Variants in RBFOX1 observed in about 807,000 individuals in gnomAD.
RBFOX1 encodes the protein RNA binding fox-1 homolog 1.
Under a neutral mutation model 57.7 loss-of-function variants are expected in RBFOX1, and 8 were observed. The ratio of observed to expected loss-of-function variants is 0.14; its 90% CI spans 0.08 to 0.25. The LOEUF (loss-of-function observed/expected upper bound fraction) is 0.25. Ranked by LOEUF, RBFOX1 falls within the 10% of genes least tolerant of loss-of-function variation. The pLI, the probability that RBFOX1 is intolerant of heterozygous loss-of-function variation, is 1.00. For missense variants in RBFOX1, 611 were observed against 548.5 expected, an observed-to-expected ratio of 1.11 and a Z score of -1.14; for synonymous variants, 326 against 222.4, an observed-to-expected ratio of 1.47 and a Z score of -4.15.
intron 2 of RBFOX1, among the ~76,000 whole-genome samples, chr16:5,565,668 ATAAT>A (rs985375272): frequency 4.2e-5 from 6 of 143,032 alleles, no homozygotes; most frequent in African/African-American, 1.3e-4. Context: ...AAATAAATAA[ATAAT>A]TTGCAAGTCG....
At chr16:7,585,736 T>G (rs1375921464) in intron 6 of RBFOX1, among the ~76,000 whole-genome samples, 1 of 152,248 alleles carries the variant, frequency 6.6e-6, no homozygotes, top group Non-Finnish European at 1.5e-5. Context: ...GTGGATTTCT[T>G]TGTCCATTCC....
intron 1 of RBFOX1, among the ~76,000 whole-genome samples, chr16:5,406,759 C>T (rs569160942): frequency 1.3e-5 from 2 of 152,084 alleles, no homozygotes; most frequent in Non-Finnish European, 2.9e-5. Context: ...ATGGGTCCTG[C>T]AGGAGGGGCT....
intron 1 of RBFOX1, among the ~76,000 whole-genome samples, chr16:6,297,103 G>T (rs2078206674): frequency 6.6e-6 from 1 of 152,154 alleles, no homozygotes; most frequent in African/African-American, 2.4e-5. Flanking sequence ...CTGTCATGGT[G>T]CTGGTGGGAG....
chr16:6,114,572 G>T (rs76133218), intron 1 of RBFOX1, among the ~76,000 whole-genome samples: 1 of 73,062 alleles, frequency 1.4e-5, no homozygotes, highest in Non-Finnish European at 2.1e-5. Flanking sequence ...TTTCTTGGAG[G>T]GGGCGTAACT....
intron 4 of RBFOX1, among the ~76,000 whole-genome samples, chr16:7,394,253 AAAAAAAAAAAAG>A (rs2098101346): frequency 6.6e-6 from 1 of 150,774 alleles, no homozygotes; most frequent in South Asian, 2.1e-4. Context: ...AAAAAAAAAA[AAAAAAAAAAAAG>A]AGAGAAAGAA....
At chr16:7,591,789 C>G (rs1462848215) in intron 7 of RBFOX1, among the ~76,000 whole-genome samples, 1 of 152,138 alleles carries the variant, frequency 6.6e-6, no homozygotes, top group African/African-American at 2.4e-5. Context: ...GTTTTGTTCT[C>G]CTTTTTAAGG....
At chr16:6,356,989 C>G (rs944822298) in intron 2 of RBFOX1, among the ~76,000 whole-genome samples, 1 of 152,118 alleles carries the variant, frequency 6.6e-6, no homozygotes, top group African/African-American at 2.4e-5. Flanking sequence ...AATGGATTCC[C>G]CCTTCCCCGT....
intron 1 of RBFOX1, among the ~76,000 whole-genome samples, chr16:6,216,951 C>T (rs1423168416): frequency 6.6e-6 from 1 of 151,678 alleles, no homozygotes; most frequent in Non-Finnish European, 1.5e-5. Context: ...TTCTTCTGAT[C>T]GTTCACCTTT....
chr16:5,980,066 C>T (rs1019584783), intron 4 of RBFOX1, among the ~76,000 whole-genome samples: 3 of 152,230 alleles, frequency 2.0e-5, no homozygotes, highest in Non-Finnish European at 2.9e-5. Context: ...GCTCCACCCT[C>T]CTCCCTCTCT....
intron 3 of RBFOX1, among the ~76,000 whole-genome samples, chr16:6,904,600 A>T (rs199513334): frequency 2.5e-3 from 50 of 19,824 alleles, no homozygotes; most frequent in East Asian, 0.024. Context: ...GACTCTCTCT[A>T]AAAAAAAAAA....
At chr16:6,129,141 C>G (rs2096611335) in intron 1 of RBFOX1, among the ~76,000 whole-genome samples, 2 of 152,132 alleles carry the variant, frequency 1.3e-5, no homozygotes, top group South Asian at 2.1e-4. Flanking sequence ...TATGAATAAA[C>G]AGGATCATGT....
intron 4 of RBFOX1, among the ~76,000 whole-genome samples, chr16:5,924,796 T>C (rs559318178): frequency 6.6e-6 from 1 of 152,326 alleles, no homozygotes; most frequent in East Asian, 1.9e-4. Context: ...TTTGTTTCCA[T>C]CTTCATGTCT....
chr16:6,023,283 A>G (rs980228603), intron 1 of RBFOX1, among the ~76,000 whole-genome samples: 51 of 151,892 alleles, frequency 3.4e-4, no homozygotes, highest in Non-Finnish European at 5.6e-4. Flanking sequence ...ATATATATAT[A>G]TATAGAACCT....
chr16:7,164,012 G>C (rs1053935888), intron 4 of RBFOX1, among the ~76,000 whole-genome samples: 1 of 152,070 alleles, frequency 6.6e-6, no homozygotes, highest in Non-Finnish European at 1.5e-5. Flanking sequence ...GAGGTGTTTG[G>C]TTACACGAAT....
chr16:6,387,240 C>T (rs545640188), intron 2 of RBFOX1, among the ~76,000 whole-genome samples: 4 of 152,272 alleles, frequency 2.6e-5, no homozygotes, highest in Admixed American at 2.0e-4. Context: ...ACATCACTCA[C>T]CTCCTGTAAG....
At chr16:6,168,046 T>A (rs1199859633) in intron 1 of RBFOX1, among the ~76,000 whole-genome samples, 1 of 152,146 alleles carries the variant, frequency 6.6e-6, no homozygotes, top group Non-Finnish European at 1.5e-5. Context: ...GACTGACAGT[T>A]TTGTCTGTGA....
At chr16:5,532,510 G>A (rs1224673550) in intron 2 of RBFOX1, among the ~76,000 whole-genome samples, 2 of 152,170 alleles carry the variant, frequency 1.3e-5, no homozygotes, top group African/African-American at 4.8e-5. Context: ...TAAGGGGCTG[G>A]GCTTTAGAGA....
At position 6,835,248 on chromosome 16, in the gene RBFOX1, C is replaced by A. The variant is rs865843909; in HGVS notation, c.-16+180598C>A. On this transcript the variant is annotated intron_variant, in intron 3 of 15. Transcript: ENST00000550418. Reference sequence around the variant, plus strand: ...TGGCTCCGTTAGTGAGCGCTGTGGACTAAGATCCACAAACACAGCTGCTAT... The same window carrying A: ...TGGCTCCGTTAGTGAGCGCTGTGGAATAAGATCCACAAACACAGCTGCTAT... 1.7e-4 allele frequency among the ~76,000 whole-genome samples: 26 copies of A among 152,226 alleles called. 1 individual carries two copies. The highest frequency in any genetic ancestry group is 3.4e-3 in the Middle Eastern group (1 of 294).
At chr16:5,479,345 C>A (rs947464542) in intron 2 of RBFOX1, among the ~76,000 whole-genome samples, 1 of 152,174 alleles carries the variant, frequency 6.6e-6, no homozygotes, top group Admixed American at 6.5e-5. Flanking sequence ...AGGTGATTTG[C>A]CTGAGGCCAC....
Sources: gnomAD v4.1 joint callset for allele counts (sites outside exome capture counted in the v4.1 genomes callset) on GRCh38, gnomAD v4.1.1 for gene constraint, MANE v1.5 for transcripts, NCBI Gene and HGNC (gene_info 2026-07-23, HGNC 2026-07-21) for gene names.